The following GSE1 variants were observed in gnomAD, a reference collection of about 807,000 sequenced individuals.
The protein encoded by GSE1 is Gse1 coiled-coil protein, also known as genetic suppressor element 1.
GSE1 carries 32 observed loss-of-function variants against 112.6 expected under a neutral mutation model. The observed-to-expected ratio is 0.28, with a 90% CI of 0.21 to 0.38. GSE1 has a LOEUF of 0.38. Ranked by LOEUF, GSE1 falls within the 10% of genes least tolerant of loss-of-function variation. The pLI, the probability that GSE1 is intolerant of heterozygous loss-of-function variation, is 1.00. For missense variants in GSE1, 2,348 were observed against 1,699.2 expected (o/e 1.38, Z -6.71); for synonymous variants, 1,115 against 735.6 (o/e 1.52, Z -8.35).
intron 2 of GSE1, among the ~76,000 whole-genome samples, chr16:85,536,233 C>T (rs1598100524): frequency 6.6e-6 from 1 of 152,316 alleles, no homozygotes; most frequent in Non-Finnish European, 1.5e-5. Context: ...GTGGGGCCTC[C>T]CTGGCTTGCT....
At chr16:85,397,132 T>G (rs918129625) in intron 2 of GSE1, among the ~76,000 whole-genome samples, 1 of 152,166 alleles carries the variant, frequency 6.6e-6, no homozygotes, top group Non-Finnish European at 1.5e-5. Context: ...CCCCATCTCC[T>G]CTGTGAAGTC....
rs370811992 is a variant in GSE1 at position 85,343,482 on chromosome 16, C to G, written c.2284-13981C>G. On this transcript the variant is annotated intron_variant, in intron 1 of 2. Coordinates refer to the GSE1 transcript ENST00000637419. The stretch of plus-strand genomic sequence containing the variant: ...TTAAAAAGTTTGCCCGGCCCAGTGG[C>G]TCACACCTGTAATCCTAGAATTTTG... Among the ~76,000 whole-genome samples the G allele has an allele frequency of 7.2e-5, 11 of 152,294 alleles. No individual in the cohort carries two copies. The East Asian group carries it at 2.1e-3, about 29-fold the overall frequency.
intron 1 of GSE1, among the ~76,000 whole-genome samples, chr16:85,575,003 C>T (rs2046164790): frequency 6.6e-6 from 1 of 152,224 alleles, no homozygotes; most frequent in African/African-American, 2.4e-5. Context: ...CGGCTTGCTT[C>T]AAAGGTTAAT....
intron 2 of GSE1, among the ~76,000 whole-genome samples, chr16:85,449,281 G>C (rs1351592300): frequency 1.3e-5 from 2 of 152,254 alleles, no homozygotes; most frequent in East Asian, 1.9e-4. Flanking sequence ...GCGCCAGGCA[G>C]CTGTTCCTGG....
At chr16:85,637,094 C>T (rs990121524) in intron 2 of GSE1, among the ~76,000 whole-genome samples, 1 of 152,246 alleles carries the variant, frequency 6.6e-6, no homozygotes, top group African/African-American at 2.4e-5. Context: ...TGGTGATTTT[C>T]CTACACAGTT....
intron 1 of GSE1, among the ~76,000 whole-genome samples, chr16:85,302,160 C>G (rs1207486678): frequency 2.0e-5 from 3 of 152,230 alleles, no homozygotes; most frequent in Admixed American, 6.5e-5. Flanking sequence ...AGACACAGCC[C>G]AGGAAGGGAT....
chr16:85,501,410 G>GTTT (rs2051362705), intron 2 of GSE1, among the ~76,000 whole-genome samples: 1 of 135,262 alleles, frequency 7.4e-6, no homozygotes, highest in African/African-American at 2.8e-5. Flanking sequence ...TTTTTTTTTA[G>GTTT]GGGATGGAGT....
At chr16:85,235,378 C>T (rs1018875504) in intron 1 of GSE1, among the ~76,000 whole-genome samples, 28 of 150,430 alleles carry the variant, frequency 1.9e-4, no homozygotes, top group Non-Finnish European at 3.4e-4. Flanking sequence ...AGAGGCCTCT[C>T]CTCTCCAGAC....
At chr16:85,453,071 A>G (rs1206125203) in intron 2 of GSE1, among the ~76,000 whole-genome samples, 1 of 152,210 alleles carries the variant, frequency 6.6e-6, no homozygotes, top group African/African-American at 2.4e-5. Flanking sequence ...GATCTTGGAT[A>G]GATGAGTCAC....
intron 2 of GSE1, among the ~76,000 whole-genome samples, chr16:85,507,331 C>T (rs568457096): frequency 2.8e-4 from 42 of 152,276 alleles, no homozygotes; most frequent in South Asian, 1.9e-3. Flanking sequence ...CTGTGGTAGG[C>T]GACCCCACAA....
chr16:85,671,011 G>T lies in GSE1; in HGVS notation c.3432G>T (p.Arg1144=), dbSNP rs1226967594. The change falls in exon 15 of 16, where the codon CGG becomes CGT. Residue 1144 remains arginine (R), a synonymous_variant. Transcript: ENST00000253458. ...QEHIEEQNLE[R]QVLQTQCRRL... ...TCTTTTCAGAGCAAAATCTGGAGCGGCAGGTGTTACAGACACAATGTAGAC... is the reference window on the plus strand; with the variant it reads ...TCTTTTCAGAGCAAAATCTGGAGCGTCAGGTGTTACAGACACAATGTAGAC... 2 of 1,608,760 alleles carry T rather than the reference G, an allele frequency of 1.2e-6. No homozygotes were observed. The highest frequency in any genetic ancestry group is 2.2e-5 in the South Asian group (2 of 90,962).
chr16:85,613,618 C>T (rs932586093), intron 1 of GSE1, among the ~76,000 whole-genome samples: 4 of 143,968 alleles, frequency 2.8e-5, no homozygotes, highest in East Asian at 2.2e-4. Flanking sequence ...TGGCTGCGGG[C>T]GGGGACTCGG....
intron 2 of GSE1, among the ~76,000 whole-genome samples, chr16:85,439,691 C>G (rs1769154146): frequency 6.6e-6 from 1 of 152,130 alleles, no homozygotes; most frequent in South Asian, 2.1e-4. Flanking sequence ...CATGTGCACA[C>G]ACATACATGC....
chr16:85,243,859 G>A (rs577634578), intron 1 of GSE1, among the ~76,000 whole-genome samples: 2 of 152,184 alleles, frequency 1.3e-5, no homozygotes, highest in African/African-American at 4.8e-5. Context: ...AGGCACGGTG[G>A]CTCACGCCTG....
intron 2 of GSE1, among the ~76,000 whole-genome samples, chr16:85,494,986 T>C (rs746932540): frequency 3.3e-4 from 48 of 145,032 alleles, no homozygotes; most frequent in Non-Finnish European, 6.7e-4. Context: ...GGTCAACCAC[T>C]GGGCACAGGG....
intron 2 of GSE1, among the ~76,000 whole-genome samples, chr16:85,431,619 C>T (rs879708377): frequency 6.6e-6 from 1 of 152,148 alleles, no homozygotes; most frequent in Non-Finnish European, 1.5e-5. Context: ...CCGTGCTCCC[C>T]GAGACACTTG....
chr16:85,528,578 C>G (rs1005322409), intron 2 of GSE1, among the ~76,000 whole-genome samples: 1 of 152,094 alleles, frequency 6.6e-6, no homozygotes, highest in Non-Finnish European at 1.5e-5. Context: ...CCTGCCCCAG[C>G]CTCCTTTTTA....
At chr16:85,274,187 C>G (rs1200710435) in intron 1 of GSE1, among the ~76,000 whole-genome samples, 1 of 151,534 alleles carries the variant, frequency 6.6e-6, no homozygotes, top group Non-Finnish European at 1.5e-5. Context: ...AGTTCGAGAC[C>G]AGCCTGACCA....
chr16:85,517,579 C>G (rs2051993831), intron 2 of GSE1, among the ~76,000 whole-genome samples: 1 of 148,390 alleles, frequency 6.7e-6, no homozygotes, highest in Non-Finnish European at 1.5e-5. Context: ...TCCCCACCAA[C>G]CGGCCCCTGA....
Sources: allele counts gnomAD v4.1 joint callset (sites outside exome capture counted in the v4.1 genomes callset), GRCh38; gene constraint gnomAD v4.1.1; transcripts MANE v1.5; gene names NCBI Gene and HGNC (gene_info 2026-07-23, HGNC 2026-07-21).